Variants in NSMCE2 observed in about 807,000 individuals in gnomAD.
The protein encoded by NSMCE2 is NSE2 SUMO ligase component of SMC5/6 complex, also known as E3 SUMO-protein ligase NSE2.
A neutral mutation model predicts 23.8 loss-of-function variants in NSMCE2; 24 were observed. That is an observed-to-expected ratio of 1.01 (90% CI 0.73 to 1.42). The LOEUF is 1.42. Among genes scored for constraint, NSMCE2 ranks in the 40% most tolerant of loss-of-function variants. NSMCE2 has a pLI of 0.00. For missense variants in NSMCE2, 284 were observed against 296.5 expected (o/e 0.96, Z 0.31); for synonymous variants, 92 against 94.1 (o/e 0.98, Z 0.13).
chr8:125,244,331 C>T (rs1184756717), intron 5 of NSMCE2, among the ~76,000 whole-genome samples: 3 of 151,864 alleles, frequency 2.0e-5, no homozygotes, highest in African/African-American at 7.3e-5. Context: ...GTTACTCATT[C>T]TGTTCATTAA....
At chr8:125,159,791 C>G (rs567508587) in intron 4 of NSMCE2, among the ~76,000 whole-genome samples, 1 of 152,034 alleles carries the variant, frequency 6.6e-6, no homozygotes, top group Admixed American at 6.6e-5. Context: ...AAAACCCCGT[C>G]TCTACTAAAA....
chr8:125,209,819 G>C (rs1824253351), intron 5 of NSMCE2, among the ~76,000 whole-genome samples: 4 of 152,128 alleles, frequency 2.6e-5, no homozygotes, highest in Admixed American at 6.5e-5. Context: ...AAGAAATTGG[G>C]AGAATTTATA....
chr8:125,281,126 C>G (rs1426712149), intron 5 of NSMCE2, among the ~76,000 whole-genome samples: 1 of 152,210 alleles, frequency 6.6e-6, no homozygotes, highest in Non-Finnish European at 1.5e-5. Flanking sequence ...GACTTTGCCA[C>G]TGACTGTCTT....
At chr8:125,340,207 A>G (rs1042543614) in intron 5 of NSMCE2, among the ~76,000 whole-genome samples, 12 of 151,484 alleles carry the variant, frequency 7.9e-5, no homozygotes, top group African/African-American at 2.9e-4. Context: ...TTTAGTAGAG[A>G]CGGGGTTTCA....
intron 5 of NSMCE2, among the ~76,000 whole-genome samples, chr8:125,313,992 G>A (rs6470349): frequency 0.91 from 137,968 of 152,268 alleles, 62,697 homozygotes; most frequent in African/African-American, 0.98. Context: ...CATTTCCAGG[G>A]TAGTTATTTA....
At chr8:125,237,459 G>A (rs1176211244) in intron 5 of NSMCE2, among the ~76,000 whole-genome samples, 2 of 152,174 alleles carry the variant, frequency 1.3e-5, no homozygotes, top group Non-Finnish European at 2.9e-5. Context: ...ATTGAGGCAA[G>A]CATTCAGTCC....
chr8:125,139,704 C>T (rs995388942), intron 3 of NSMCE2, among the ~76,000 whole-genome samples: 18 of 133,550 alleles, frequency 1.3e-4, no homozygotes, highest in Admixed American at 9.0e-4. Context: ...TCACATGATA[C>T]ATGGGAATTG....
chr8:125,145,621 A>G (rs1820635172), intron 3 of NSMCE2, among the ~76,000 whole-genome samples: 1 of 152,208 alleles, frequency 6.6e-6, no homozygotes, highest in Non-Finnish European at 1.5e-5. Context: ...AGGAATTTGA[A>G]TATTCCTAGC....
chr8:125,125,808 A>G (rs1819490167), intron 3 of NSMCE2, among the ~76,000 whole-genome samples: 1 of 152,206 alleles, frequency 6.6e-6, no homozygotes, highest in Admixed American at 6.5e-5. Flanking sequence ...CACATTGCAC[A>G]TCAAACAGTG....
chr8:125,156,458 A>G lies in NSMCE2; in HGVS notation c.264+5181A>G, dbSNP rs190355084. 7.1e-4 allele frequency among the ~76,000 whole-genome samples: 108 copies of G among 152,270 alleles called. 2 individuals carry two copies. Among genetic ancestry groups the G allele is most frequent in the Non-Finnish European group, 3.2e-4 (22 of 68,010 alleles). The stretch of plus-strand genomic sequence containing the variant: ...AGCATTTATATTGGATTACAGCTAC[A>G]TATTTGTTTTTTTAAGTCAATATCT... On this transcript the variant is annotated intron_variant, in intron 4 of 7. Coordinates refer to ENST00000287437, the MANE Select transcript of NSMCE2 (RefSeq NM_173685.4).
At chr8:125,150,348 T>C (rs1422438726) in intron 3 of NSMCE2, among the ~76,000 whole-genome samples, 2 of 151,992 alleles carry the variant, frequency 1.3e-5, no homozygotes, top group East Asian at 3.8e-4. Flanking sequence ...CTTGTGACTC[T>C]TGTTTTTAAG....
At chr8:125,122,204 A>G (rs1008245209) in intron 3 of NSMCE2, among the ~76,000 whole-genome samples, 6 of 149,098 alleles carry the variant, frequency 4.0e-5, no homozygotes, top group African/African-American at 1.5e-4. Flanking sequence ...AATGCTGCCT[A>G]TTATATGAAA....
intron 5 of NSMCE2, among the ~76,000 whole-genome samples, chr8:125,191,508 G>A (rs528207982): frequency 1.1e-3 from 175 of 152,262 alleles, no homozygotes; most frequent in South Asian, 3.3e-3. Context: ...GATGACGCTG[G>A]AGGAATCTGC....
chr8:125,268,940 G>T (rs1440208082), intron 5 of NSMCE2, among the ~76,000 whole-genome samples: 4 of 152,138 alleles, frequency 2.6e-5, no homozygotes, highest in African/African-American at 7.2e-5. Context: ...AATTTGGCAG[G>T]TATTGGGGAA....
At chr8:125,148,452 C>T (rs1261239455) in intron 3 of NSMCE2, among the ~76,000 whole-genome samples, 2 of 152,152 alleles carry the variant, frequency 1.3e-5, no homozygotes, top group East Asian at 1.9e-4. Flanking sequence ...CAGAAATTAA[C>T]TCATTTAATC....
At chr8:125,156,032 C>T (rs1013104029) in intron 4 of NSMCE2, 1 of 443,040 alleles carries the variant, frequency 2.3e-6, no homozygotes, top group Non-Finnish European at 4.5e-6. Flanking sequence ...GTAGTTCCAG[C>T]TACTTGGGAG....
Position 125,284,851 on chromosome 8 carries a change from T to C in NSMCE2, c.419-72368T>C, listed in dbSNP as rs190725959. 3.9e-5 allele frequency among the ~76,000 whole-genome samples: 6 copies of C among 152,318 alleles called. No individual in the cohort carries two copies. In the East Asian group the frequency reaches 9.6e-4, roughly 24 times the overall value. ...AAAACCCTGTCCCCTTTTCTGAGCT[T>C]ATGAAAAGAGAACCTAATTAGTAGG... is the stretch of plus-strand genomic sequence containing the variant. On this transcript the variant is annotated intron_variant, in intron 5 of 7. Transcript: ENST00000287437.
intron 5 of NSMCE2, among the ~76,000 whole-genome samples, chr8:125,296,831 G>A (rs1828349429): frequency 6.6e-6 from 1 of 152,152 alleles, no homozygotes; most frequent in Admixed American, 6.6e-5. Flanking sequence ...TGGCCAAGGT[G>A]TACTTTCGTG....
chr8:125,140,452 C>T (rs569875470), intron 3 of NSMCE2, among the ~76,000 whole-genome samples: 1 of 152,126 alleles, frequency 6.6e-6, no homozygotes, highest in Non-Finnish European at 1.5e-5. Flanking sequence ...TACTTGAGGT[C>T]AGGAGTTTGA....
Sources: gnomAD v4.1 joint callset for allele counts (sites outside exome capture counted in the v4.1 genomes callset) on GRCh38, gnomAD v4.1.1 for gene constraint, MANE v1.5 for transcripts, NCBI Gene and HGNC (gene_info 2026-07-23, HGNC 2026-07-21) for gene names.